SLC24A3: variants seen among roughly 807,000 people sequenced by gnomAD.
SLC24A3 encodes the protein sodium/potassium/calcium exchanger 3.
A neutral mutation model predicts 75.8 loss-of-function variants in SLC24A3; 28 were observed. The observed-to-expected ratio is 0.37, with a 90% CI of 0.27 to 0.51. The LOEUF (loss-of-function observed/expected upper bound fraction) is 0.51, where lower values mean the gene tolerates loss of function less well. Among genes scored for constraint, SLC24A3 ranks in the 20% least tolerant of loss-of-function variants. SLC24A3 has a pLI of 0.94. For synonymous variants in SLC24A3, 372 were observed against 334.1 expected (o/e 1.11, Z -1.24); for missense variants, 663 against 847.8 (o/e 0.78, Z 2.71).
intron 6 of SLC24A3, among the ~76,000 whole-genome samples, chr20:19,646,684 C>G (rs138099049): frequency 3.9e-5 from 6 of 152,332 alleles, no homozygotes; most frequent in South Asian, 2.1e-4. Context: ...AGAGGGAGAA[C>G]AGTCATGGCC....
At chr20:19,657,934 C>G (rs1411150171) in intron 7 of SLC24A3, among the ~76,000 whole-genome samples, 1 of 152,188 alleles carries the variant, frequency 6.6e-6, no homozygotes, top group Non-Finnish European at 1.5e-5. Flanking sequence ...AGCCCTTCCT[C>G]GTACCCACCA....
rs542839832 is a variant in SLC24A3, at chr20:19,584,900, G to C, written c.424-71G>C. The stretch of plus-strand genomic sequence containing the variant: ...TTTGCTTCTCAGGGCTTGGACTCTC[G>C]GGTGTCACAGTCACCTCTCTTCCGA... On this transcript the variant is annotated intron_variant, in intron 4 of 16. Transcript: ENST00000328041. The C allele has an allele frequency of 2.8e-6, 4 of 1,414,660 alleles. No homozygotes were observed. In the Admixed American group the frequency reaches 7.1e-5, roughly 25 times the overall value. The allele number at this position is 1,414,660 out of a possible 1,614,324, so 87.6% of individuals were successfully genotyped here.
chr20:19,423,799 C>T (rs1397825060), intron 2 of SLC24A3, among the ~76,000 whole-genome samples: 1 of 152,148 alleles, frequency 6.6e-6, no homozygotes, highest in Non-Finnish European at 1.5e-5. Flanking sequence ...GAAGCCAGGT[C>T]TTCCTGGGGA....
chr20:19,536,581 C>G (rs1250450956), intron 3 of SLC24A3, among the ~76,000 whole-genome samples: 1 of 152,140 alleles, frequency 6.6e-6, no homozygotes, highest in South Asian at 2.1e-4. Flanking sequence ...AATCCTAAGC[C>G]AAAAGAACAA....
intron 2 of SLC24A3, among the ~76,000 whole-genome samples, chr20:19,290,544 C>T (rs947921894): frequency 6.6e-6 from 1 of 152,162 alleles, no homozygotes; most frequent in Admixed American, 6.5e-5. Context: ...ATCTATGAAC[C>T]AGCATGCAGG....
chr20:19,551,222 C>T (rs1466805434), intron 3 of SLC24A3, among the ~76,000 whole-genome samples: 1 of 152,166 alleles, frequency 6.6e-6, no homozygotes, highest in African/African-American at 2.4e-5. Flanking sequence ...CTGTGGGAGT[C>T]AGGACCTCAC....
intron 3 of SLC24A3, among the ~76,000 whole-genome samples, chr20:19,557,041 A>T (rs1399248199): frequency 6.6e-6 from 1 of 152,118 alleles, no homozygotes; most frequent in African/African-American, 2.4e-5. Flanking sequence ...AGCCCTTTGG[A>T]GATCCTTCCC....
chr20:19,332,109 G>A (rs142490022), intron 2 of SLC24A3, among the ~76,000 whole-genome samples: 60 of 152,342 alleles, frequency 3.9e-4, no homozygotes, highest in African/African-American at 1.1e-3. Flanking sequence ...GACCATCTAA[G>A]GTCTTGTCTG....
At chr20:19,485,119 G>GTCAA (rs1988110603) in intron 2 of SLC24A3, among the ~76,000 whole-genome samples, 1 of 152,106 alleles carries the variant, frequency 6.6e-6, no homozygotes, top group Non-Finnish European at 1.5e-5. Context: ...TTTTATTTCT[G>GTCAA]TCAATTTTTT....
chr20:19,307,326 G>A (rs564829408), intron 2 of SLC24A3, among the ~76,000 whole-genome samples: 34 of 152,224 alleles, frequency 2.2e-4, no homozygotes, highest in Middle Eastern at 3.4e-3. Flanking sequence ...TATATCAAAT[G>A]CACAGACTGA....
At chr20:19,516,789 C>T (rs935009953) in intron 3 of SLC24A3, among the ~76,000 whole-genome samples, 3 of 152,166 alleles carry the variant, frequency 2.0e-5, no homozygotes, top group East Asian at 3.9e-4. Context: ...AGTCACAGCC[C>T]ACTGTGATTC....
intron 2 of SLC24A3, among the ~76,000 whole-genome samples, chr20:19,459,682 C>A (rs918023961): frequency 6.6e-6 from 1 of 152,128 alleles, no homozygotes; most frequent in African/African-American, 2.4e-5. Context: ...ATAAATACTT[C>A]TTTTAATATA....
intron 6 of SLC24A3, among the ~76,000 whole-genome samples, chr20:19,602,943 G>A (rs1043217662): frequency 4.6e-5 from 7 of 152,192 alleles, no homozygotes; most frequent in Non-Finnish European, 8.8e-5. Flanking sequence ...CACCCGCACC[G>A]TGGTTCAGCT....
intron 2 of SLC24A3, among the ~76,000 whole-genome samples, chr20:19,322,345 C>G (rs1984727648): frequency 1.0e-5 from 1 of 96,504 alleles, no homozygotes; most frequent in Non-Finnish European, 1.8e-5. Context: ...ATGGATTGAG[C>G]CTTCTTTCCT....
At chr20:19,602,837 C>A (rs1254361317) in intron 6 of SLC24A3, among the ~76,000 whole-genome samples, 1 of 152,180 alleles carries the variant, frequency 6.6e-6, no homozygotes, top group Non-Finnish European at 1.5e-5. Context: ...AGTCAGCAGG[C>A]AGGTGTGTGG....
At position 19,671,765 on chromosome 20, in the gene SLC24A3, G is replaced by A. The variant is rs77864424; in HGVS notation, c.714-1836G>A. Among the ~76,000 whole-genome samples, 1,199 of 152,238 alleles carry A rather than the reference G, an allele frequency of 7.9e-3. 10 individuals carry two copies. Among genetic ancestry groups the A allele is most frequent in the African/African-American group, 0.027 (1,123 of 41,536 alleles). The stretch of plus-strand genomic sequence containing the variant: ...AGGCCAAATATATGAATCTGGAGCT[G>A]GAGAGAGGTGTGGTGTGGATGTGTA... On this transcript the variant is annotated intron_variant, in intron 8 of 16. Transcript: ENST00000328041.
At chr20:19,566,306 G>A (rs907803851) in intron 3 of SLC24A3, among the ~76,000 whole-genome samples, 4 of 152,202 alleles carry the variant, frequency 2.6e-5, no homozygotes, top group African/African-American at 7.2e-5. Context: ...CACTAAGCAC[G>A]TATTCTCCTG....
In SLC24A3 at chr20:19,696,771, T is replaced by G. The variant is rs2032811135; in HGVS notation, c.1492-26T>G. The G allele has an allele frequency of 3.9e-6, 6 of 1,554,312 alleles. No individual in the cohort carries two copies. The East Asian group carries it at 1.3e-4, about 35-fold the overall frequency. On this transcript the variant is annotated intron_variant, in intron 13 of 16. Coordinates refer to ENST00000328041, the MANE Select transcript of SLC24A3 (RefSeq NM_020689.4). Reference sequence around the variant, plus strand: ...GGTGGGGCTTGAGGTGACCCTCAGCTGACCACCTCTTCCTGCTCCTTCTAG... The same window carrying G: ...GGTGGGGCTTGAGGTGACCCTCAGCGGACCACCTCTTCCTGCTCCTTCTAG...
intron 3 of SLC24A3, among the ~76,000 whole-genome samples, chr20:19,560,411 G>A (rs193057335): frequency 1.3e-5 from 2 of 152,234 alleles, no homozygotes; most frequent in African/African-American, 4.8e-5. Context: ...CATGGGCTGA[G>A]AAAAGTTCTC....
Sources: allele counts gnomAD v4.1 joint callset (sites outside exome capture counted in the v4.1 genomes callset), GRCh38; gene constraint gnomAD v4.1.1; transcripts MANE v1.5; gene names NCBI Gene and HGNC (gene_info 2026-07-23, HGNC 2026-07-21).